The following PUDP variants were observed in gnomAD, a reference collection of about 807,000 sequenced individuals.
The protein encoded by PUDP is pseudouridine 5'-phosphatase, also known as pseudouridine-5'-phosphatase.
In PUDP, 8 loss-of-function variants were observed where a neutral mutation model predicts 9.4. That is an observed-to-expected ratio of 0.85 (90% CI 0.50 to 1.53). The LOEUF is 1.53. PUDP is among the 40% of genes most tolerant of loss of function. PUDP has a pLI of 0.00. For synonymous variants in PUDP, 99 were observed against 80.7 expected (o/e 1.23, Z -1.22); for missense variants, 188 against 189.7 (o/e 0.99, Z 0.05).
intron 3 of PUDP, among the ~76,000 whole-genome samples, chrX:6,860,461 GT>G (rs1257246978): frequency 1.0e-5 from 1 of 95,915 alleles, no homozygotes; most frequent in Non-Finnish European, 2.1e-5. Context: ...TCTGTGTGTG[GT>G]TTTTTGTTTT....
intron 3 of PUDP, among the ~76,000 whole-genome samples, chrX:6,910,866 GCCCTGCT>G: frequency 8.9e-6 from 1 of 111,843 alleles, no homozygotes; most frequent in South Asian, 3.8e-4. Context: ...GACTGGTGAG[GCCCTGCT>G]CCCTGGTTCA....
intron 3 of PUDP, among the ~76,000 whole-genome samples, chrX:6,843,217 C>T (rs962708187): frequency 3.6e-5 from 4 of 112,406 alleles, no homozygotes; most frequent in Non-Finnish European, 7.5e-5. Context: ...AACAGGGGCA[C>T]CCTGGCTCTA....
intron 3 of PUDP, among the ~76,000 whole-genome samples, chrX:6,781,073 G>C (rs1925553161): frequency 9.1e-6 from 1 of 110,254 alleles, no homozygotes; most frequent in South Asian, 3.9e-4. Context: ...ATGCAAGTAA[G>C]AGGGAGGACA....
At chrX:6,806,334 A>G (rs549534007) in intron 3 of PUDP, among the ~76,000 whole-genome samples, 238 of 111,176 alleles carry the variant, frequency 2.1e-3, no homozygotes, top group African/African-American at 7.1e-3. Flanking sequence ...TTTATTTATT[A>G]ATGTATTTAT....
At chrX:7,059,311 T>C (rs1930334191) in intron 3 of PUDP, among the ~76,000 whole-genome samples, 1 of 112,000 alleles carries the variant, frequency 8.9e-6, no homozygotes, top group Admixed American at 9.5e-5. Context: ...TGATTTCCTC[T>C]TTTAATGGTA....
intron 1 of PUDP, among the ~76,000 whole-genome samples, chrX:7,023,204 T>C (rs764464144): frequency 8.9e-6 from 1 of 112,173 alleles, no homozygotes; most frequent in Non-Finnish European, 1.9e-5. Context: ...ATGTTGCCAA[T>C]TGTCTCCAGG....
At chrX:7,134,834 A>C (rs1010393462) in intron 1 of PUDP, among the ~76,000 whole-genome samples, 1 of 112,742 alleles carries the variant, frequency 8.9e-6, no homozygotes, top group African/African-American at 3.2e-5. Context: ...CAAAATGTTT[A>C]GTATTTAATG....
At position 6,806,370 on chromosome X, in the gene PUDP, AG is replaced by A. The variant is rs760767317; in HGVS notation, c.*248-99905del. Reference sequence around the variant, plus strand: ...TGAGACAATGTCTTCTCTGTCACCTAGGCTGGAGTGCAGTGGCATTATCATA... The same window carrying A: ...TGAGACAATGTCTTCTCTGTCACCTAGCTGGAGTGCAGTGGCATTATCATA... On this transcript the variant is annotated intron_variant and NMD_transcript_variant, in intron 3 of 3. Coordinates refer to the PUDP transcript ENST00000655425. Among the ~76,000 whole-genome samples the A allele has an allele frequency of 5.3e-5, 6 of 112,279 alleles. No homozygotes were observed. The South Asian group carries it at 2.3e-3, about 42-fold the overall frequency.
chrX:7,057,755 C>T (rs771236372), intron 3 of PUDP: 15 of 1,151,643 alleles, frequency 1.3e-5, no homozygotes, highest in African/African-American at 7.3e-5. Flanking sequence ...GAAGGAGGAG[C>T]GCTGAGAAGG....
rs1483318090 is a variant in PUDP, at chrX:6,729,661, T to TAC, written c.*248-23197_*248-23196dup. Among the ~76,000 whole-genome samples, 3 of 111,430 alleles carry TAC rather than the reference T, an allele frequency of 2.7e-5. No homozygotes were observed. The East Asian group carries it at 8.4e-4, about 31-fold the overall frequency. On this transcript the variant is annotated intron_variant and NMD_transcript_variant, in intron 3 of 3. Transcript: ENST00000655425. Reference sequence around the variant, plus strand: ...TTAATTCATAGTACCTCCCCACACATACACACACACTCCTTTTTCCTTTTT... The same window carrying TAC: ...TTAATTCATAGTACCTCCCCACACATACACACACACACTCCTTTTTCCTTTTT...
chrX:6,865,797 A>T lies in PUDP; in HGVS notation c.*247+111336T>A, dbSNP rs907712550. 6.2e-5 allele frequency among the ~76,000 whole-genome samples: 7 copies of T among 112,149 alleles called. No individual in the cohort carries two copies. The East Asian group carries it at 1.7e-3, about 27-fold the overall frequency. On this transcript the variant is annotated intron_variant and NMD_transcript_variant, in intron 3 of 3. Transcript: ENST00000655425. ...GCTGAGCTGATTAAGCTAAAAAAAA[A>T]ACAGATTTTATTTTTCTTGAGGGTT...
At chrX:7,127,135 C>A (rs1932506395) in intron 1 of PUDP, among the ~76,000 whole-genome samples, 1 of 111,786 alleles carries the variant, frequency 8.9e-6, no homozygotes, top group African/African-American at 3.3e-5. Flanking sequence ...ACTGCAGGCA[C>A]AGCTCAATTT....
intron 3 of PUDP, among the ~76,000 whole-genome samples, chrX:6,747,923 G>C (rs1317143887): frequency 8.9e-6 from 1 of 111,997 alleles, no homozygotes; most frequent in East Asian, 2.8e-4. Flanking sequence ...TGGGTGTGAA[G>C]ATGTTCTATG....
chrX:6,722,831 C>A (rs1344619712), upstream of PUDP, among the ~76,000 whole-genome samples: 1 of 111,665 alleles, frequency 9.0e-6, no homozygotes, highest in African/African-American at 3.3e-5. Flanking sequence ...TTTGTTCAAA[C>A]CCTAAAAATT....
downstream of PUDP, among the ~76,000 whole-genome samples, chrX:7,044,582 G>T (rs576460884): frequency 6.2e-4 from 69 of 112,038 alleles, no homozygotes; most frequent in South Asian, 7.2e-3. Flanking sequence ...GTGGATAATC[G>T]AATTGTGCCC....
chrX:6,934,127 G>A (rs1400647878), intron 3 of PUDP, among the ~76,000 whole-genome samples: 1 of 104,631 alleles, frequency 9.6e-6, no homozygotes, highest in Non-Finnish European at 2.0e-5. Flanking sequence ...AGGAAATACA[G>A]AGAACGCCAC....
At chrX:7,030,374 A>T (rs1198630660) in intron 1 of PUDP, among the ~76,000 whole-genome samples, 1 of 111,801 alleles carries the variant, frequency 8.9e-6, no homozygotes, top group Non-Finnish European at 1.9e-5. Context: ...ACTTGATAAA[A>T]GGCTTCCGCG....
At chrX:7,022,701 G>A (rs1929650403) in intron 1 of PUDP, among the ~76,000 whole-genome samples, 1 of 111,810 alleles carries the variant, frequency 8.9e-6, no homozygotes, top group African/African-American at 3.3e-5. Context: ...CTGAAATGAG[G>A]GTATTTAGAG....
chrX:6,913,973 C>T (rs1395087340), intron 3 of PUDP, among the ~76,000 whole-genome samples: 1 of 109,968 alleles, frequency 9.1e-6, no homozygotes, highest in Non-Finnish European at 1.9e-5. Context: ...AGAGACCATC[C>T]TGGCTAACAC....
Sources: allele counts gnomAD v4.1 joint callset (sites outside exome capture counted in the v4.1 genomes callset), GRCh38; gene constraint gnomAD v4.1.1; transcripts MANE v1.5; gene names NCBI Gene and HGNC (gene_info 2026-07-23, HGNC 2026-07-21).